The following COG7 variants were observed in gnomAD, a reference collection of about 807,000 sequenced individuals.
The protein encoded by COG7 is component of oligomeric golgi complex 7.
A neutral mutation model predicts 91.5 loss-of-function variants in COG7; 49 were observed. That is an observed-to-expected ratio of 0.54 (90% CI 0.43 to 0.68). The LOEUF is 0.68. Ranked by LOEUF, COG7 falls within the 30% of genes least tolerant of loss-of-function variation. The pLI is 0.00. For missense variants in COG7, 895 were observed against 961.3 expected (o/e 0.93, Z 0.91); for synonymous variants, 365 against 388.7 (o/e 0.94, Z 0.72).
In COG7 at chr16:23,453,149, C is replaced by T. The variant is rs548770218; in HGVS notation, c.-155G>A. On this transcript the variant is annotated 5_prime_UTR_variant, in exon 1 of 17. Coordinates refer to ENST00000307149, the MANE Select transcript of COG7 (RefSeq NM_153603.4). ...ACGGGTAACTTGCCCCTTTGCGCTT[C>T]CCCGCTCAGCGCACTCAGTTTGCGG... 4 of 1,428,562 alleles carry T rather than the reference C, an allele frequency of 2.8e-6. No individual in the cohort carries two copies. Among genetic ancestry groups the T allele is most frequent in the Non-Finnish European group, 2.8e-6 (3 of 1,085,468 alleles). 88.5% of individuals were successfully genotyped at this position (1,428,562 alleles called of 1,614,324 possible). A position where few individuals can be genotyped will look rare whatever the true frequency, so the allele number is the denominator to read the frequency against.
In COG7 at chr16:23,418,814, C is replaced by A; in HGVS notation, c.1023G>T (p.Leu341=). The A allele has an allele frequency of 6.2e-7, 1 of 1,613,656 alleles. No homozygotes were observed. Among genetic ancestry groups the A allele is most frequent in the Non-Finnish European group, 8.5e-7 (1 of 1,179,584 alleles). The change falls in exon 8 of 17, where the codon CTG becomes CTT. Residue 341 remains leucine (L), a synonymous_variant. Coordinates refer to ENST00000307149, the MANE Select transcript of COG7 (RefSeq NM_153603.4). ...CATCCACCAGCTCCGTGACTTTTACCAGATTGTGTTCATCTTTAGGGAATC... is the reference window on the plus strand; with the variant it reads ...CATCCACCAGCTCCGTGACTTTTACAAGATTGTGTTCATCTTTAGGGAATC... The part of the protein sequence containing the change: ...ALLPHLHEHN[L]VKVTELVDAV...
chr16:23,429,019 T>TC lies in COG7; in HGVS notation c.811-4073dup, dbSNP rs537783393. The stretch of plus-strand genomic sequence containing the variant: ...TCTTTCTTTTTTTTGAGACAGGGTC[T>TC]CACTCTGTCGCCCAGACTGGAGTGC... On this transcript the variant is annotated intron_variant, in intron 6 of 16. Transcript: ENST00000307149. Among the ~76,000 whole-genome samples the TC allele has an allele frequency of 1.9e-3, 289 of 151,554 alleles. 3 individuals carry two copies. The highest frequency in any genetic ancestry group is 6.9e-3 in the African/African-American group (285 of 41,260).
At position 23,424,790 on chromosome 16, in the gene COG7, T is replaced by G; in HGVS notation, c.968A>C (p.His323Pro). 1 of 1,614,210 alleles carries G rather than the reference T, an allele frequency of 6.2e-7. No homozygotes were observed. The highest frequency in any genetic ancestry group is 8.5e-7 in the Non-Finnish European group (1 of 1,180,030). The change falls in exon 7 of 17, where the codon CAC becomes CCC. Residue 323 changes from histidine to proline, a missense_variant. Transcript: ENST00000307149. ...TGCCATCTCCAAGCCCTTGGCGAAG[T>G]GGGCGGTGGCGTCGTAGAACTCCAG... ...RLLEFYDATA[H>P]FAKGLEMALL...
intron 4 of COG7, 57 bp downstream of exon 4, chr16:23,442,420 C>T: frequency 1.3e-6 from 2 of 1,503,076 alleles, no homozygotes; most frequent in African/African-American, 1.4e-5. Context: ...TGAAGACTTA[C>T]AAGGCCTTAT....
At position 23,416,990 on chromosome 16, in the gene COG7, T is replaced by C; in HGVS notation, c.1269A>G (p.Ser423=). The C allele has an allele frequency of 6.2e-7, 1 of 1,614,228 alleles. No homozygotes were observed. The highest frequency in any genetic ancestry group is 1.1e-5 in the South Asian group (1 of 91,086). The stretch of plus-strand genomic sequence containing the variant: ...ACTTGGCAAAGAGGGATTTCAGGGC[T>C]GACAACAGGCCGCAGGTCCCCAGGC... ...TNGLGTCGLL[S]ALKSLFAKYV... is the part of the protein sequence containing the mutation. The change falls in exon 9 of 17, where the codon TCA becomes TCG. Residue 423 remains serine, a synonymous_variant. Coordinates refer to ENST00000307149, the MANE Select transcript of COG7 (RefSeq NM_153603.4).
chr16:23,416,593 A>C, intron 9 of COG7: 1 of 310,458 alleles, frequency 3.2e-6, no homozygotes. Flanking sequence ...TTGGCCTCCC[A>C]AAGTACTGGG....
rs1963215955 is a variant in COG7 at position 23,392,501 on chromosome 16, G to A, written c.2025C>T (p.Asp675=). The part of the protein sequence containing the change: ...PEQGDELPEL[D]NMADNWLGSI... Reference sequence around the variant, plus strand: ...AGCCCAGCCAGTTGTCAGCCATGTTGTCCAGCTCGGGCAATTCATCCCCTG... The same window carrying A: ...AGCCCAGCCAGTTGTCAGCCATGTTATCCAGCTCGGGCAATTCATCCCCTG... Residue 675 remains aspartate (D), a synonymous_variant, in exon 16 of 17, where the codon GAC becomes GAT. Coordinates refer to ENST00000307149, the MANE Select transcript of COG7 (RefSeq NM_153603.4). 1 of 1,614,200 alleles carries A rather than the reference G, an allele frequency of 6.2e-7. No homozygotes were observed. Among genetic ancestry groups the A allele is most frequent in the East Asian group, 2.2e-5 (1 of 44,886 alleles).
chr16:23,429,958 T>C (rs527838570), intron 6 of COG7, among the ~76,000 whole-genome samples: 7 of 152,188 alleles, frequency 4.6e-5, no homozygotes, highest in African/African-American at 1.7e-4. Flanking sequence ...TAACTTATGA[T>C]GGAAAAAATC....
chr16:23,434,953 C>G (rs995335924), intron 4 of COG7, among the ~76,000 whole-genome samples: 2 of 152,188 alleles, frequency 1.3e-5, no homozygotes, highest in Admixed American at 1.3e-4. Flanking sequence ...TAACATGATA[C>G]TGAGAGGTTA....
chr16:23,442,309 C>T (rs1314371250), intron 4 of COG7, among the ~76,000 whole-genome samples, 168 bp downstream of exon 4: 1 of 143,334 alleles, frequency 7.0e-6, no homozygotes, highest in African/African-American at 2.6e-5. Context: ...ACTCCAGCCT[C>T]GGTGACAGAG....
intron 2 of COG7, 84 bp downstream of exon 2, chr16:23,445,729 C>G (rs1363641885): frequency 1.1e-5 from 15 of 1,368,688 alleles, no homozygotes; most frequent in Non-Finnish European, 1.4e-5. Context: ...AAACACCGTG[C>G]TGTTCTAAAG....
At chr16:23,438,650 A>T (rs1279969623) in intron 4 of COG7, among the ~76,000 whole-genome samples, 2 of 152,090 alleles carry the variant, frequency 1.3e-5, no homozygotes, top group Admixed American at 6.6e-5. Flanking sequence ...ATGAAAATAC[A>T]CTCAATATCA....
chr16:23,393,160 GT>G, intron 15 of COG7, 72 bp downstream of exon 15: 1 of 1,037,894 alleles, frequency 9.6e-7, no homozygotes, highest in South Asian at 1.3e-5. Flanking sequence ...CAAGGATAAG[GT>G]GTCATCTGGA....
intron 4 of COG7, among the ~76,000 whole-genome samples, chr16:23,435,161 C>T (rs1373849577): frequency 4.6e-5 from 7 of 152,114 alleles, no homozygotes; most frequent in Non-Finnish European, 8.8e-5. Context: ...GTCAGGAGTT[C>T]GAGACCAGCC....
chr16:23,433,660 A>T lies in COG7; in HGVS notation c.695T>A (p.Leu232His). 1 of 1,614,046 alleles carries T rather than the reference A, an allele frequency of 6.2e-7. No homozygotes were observed. The highest frequency in any genetic ancestry group is 8.5e-7 in the Non-Finnish European group (1 of 1,179,980). The change falls in exon 6 of 17, where the codon CTT becomes CAT. Residue 232 changes from leucine (L) to histidine (H), a missense_variant. Coordinates refer to ENST00000307149, the MANE Select transcript of COG7 (RefSeq NM_153603.4). ...AYYYKCHKVQ[L>H]LAAWQELCQS... ...ACACAGCTCTTGCCAGGCTGCTAAA[A>T]GCTGCACCTGCAGAGACAGAACAAA...
chr16:23,402,893 T>C (rs1173549157), intron 13 of COG7, among the ~76,000 whole-genome samples: 1 of 152,226 alleles, frequency 6.6e-6, no homozygotes, highest in African/African-American at 2.4e-5. Flanking sequence ...ACTCCCAGCC[T>C]TGCAGGCTTT....
chr16:23,449,617 T>C (rs1018762430), intron 1 of COG7, among the ~76,000 whole-genome samples: 4 of 150,934 alleles, frequency 2.7e-5, no homozygotes, highest in African/African-American at 9.7e-5. Flanking sequence ...GGCGCATGCC[T>C]ATACACCCAG....
intron 7 of COG7, among the ~76,000 whole-genome samples, chr16:23,419,463 C>G (rs944819422): frequency 2.0e-5 from 3 of 149,922 alleles, no homozygotes; most frequent in Non-Finnish European, 4.4e-5. Context: ...AGAATTGCCA[C>G]AGAGGCTGGG....
At chr16:23,443,580 A>T (rs1301333502) in intron 3 of COG7, among the ~76,000 whole-genome samples, 1 of 151,132 alleles carries the variant, frequency 6.6e-6, no homozygotes. Context: ...AATCCCAGCT[A>T]CTCGGGAGGC....
Sources: gnomAD v4.1 joint callset for allele counts (sites outside exome capture counted in the v4.1 genomes callset) on GRCh38, gnomAD v4.1.1 for gene constraint, MANE v1.5 for transcripts, NCBI Gene and HGNC (gene_info 2026-07-23, HGNC 2026-07-21) for gene names.